The following SEMA5B variants were observed in gnomAD, a reference collection of about 807,000 sequenced individuals.
The protein encoded by SEMA5B is semaphorin-5B.
A neutral mutation model predicts 135.0 loss-of-function variants in SEMA5B; 66 were observed. The observed-to-expected ratio is 0.49, with a 90% CI of 0.40 to 0.60. SEMA5B has a LOEUF of 0.60. SEMA5B is among the 20% of genes least tolerant of loss of function. The pLI, the probability that SEMA5B is intolerant of heterozygous loss-of-function variation, is 0.00. For synonymous variants in SEMA5B, 690 were observed against 639.5 expected (o/e 1.08, Z -1.19); for missense variants, 1,501 against 1,566.3 (o/e 0.96, Z 0.70).
At chr3:122,974,917 C>T (rs1450647132) in intron 1 of SEMA5B, among the ~76,000 whole-genome samples, 1 of 152,142 alleles carries the variant, frequency 6.6e-6, no homozygotes, top group Non-Finnish European at 1.5e-5. Context: ...CCCTGCAGGC[C>T]CAGCCCCCAC....
In SEMA5B at chr3:122,958,489, G is replaced by A. The variant is rs545340923; in HGVS notation, c.124+2651C>T. 2.0e-3 allele frequency among the ~76,000 whole-genome samples: 305 copies of A among 152,334 alleles called. 2 individuals carry two copies. In the South Asian group the frequency reaches 0.032, roughly 16 times the overall value. ...GGCCACCGAGTATGGTGGCCCACAA[G>A]TGGGCTTCTCCGTGGGGGTGGTGAA... On this transcript the variant is annotated intron_variant, in intron 2 of 22. Transcript: ENST00000357599.
intron 2 of SEMA5B, 116 bp downstream of exon 2, chr3:122,961,024 T>C (rs1302274818): frequency 2.8e-6 from 3 of 1,069,238 alleles, no homozygotes; most frequent in Non-Finnish European, 4.0e-6. Flanking sequence ...TCAAATACAG[T>C]GGACTGAGGT....
chr3:122,976,086 A>G, intron 1 of SEMA5B: 1 of 1,535,146 alleles, frequency 6.5e-7, no homozygotes, highest in South Asian at 1.2e-5. Flanking sequence ...TCTGACCCTC[A>G]CGCAGCCAAT....
intron 1 of SEMA5B, among the ~76,000 whole-genome samples, chr3:123,012,503 T>C (rs2107798653): frequency 6.6e-6 from 1 of 152,312 alleles, no homozygotes; most frequent in South Asian, 2.1e-4. Flanking sequence ...CAGGTCTGTA[T>C]GGAGCCATCC....
chr3:122,928,466 G>A, intron 7 of SEMA5B, 51 bp downstream of exon 7: 7 of 1,432,454 alleles, frequency 4.9e-6, no homozygotes, highest in Non-Finnish European at 6.6e-6. Context: ...CTAGGCAGGA[G>A]AACCCCCGGC....
chr3:122,972,013 G>A (rs1158140172), intron 1 of SEMA5B, among the ~76,000 whole-genome samples: 2 of 152,210 alleles, frequency 1.3e-5, no homozygotes, highest in East Asian at 3.8e-4. Flanking sequence ...CTCAACAAAC[G>A]CTTGTTGTCC....
chr3:122,979,943 T>A (rs1037743787), intron 1 of SEMA5B, among the ~76,000 whole-genome samples: 16 of 152,242 alleles, frequency 1.1e-4, no homozygotes, highest in African/African-American at 3.9e-4. Flanking sequence ...ATATCCAGGG[T>A]AAAGTGATGC....
Position 122,964,703 on chromosome 3 carries a change from C to T in SEMA5B, c.-38-3402G>A, listed in dbSNP as rs149493408. Among the ~76,000 whole-genome samples, 159 of 152,254 alleles carry T rather than the reference C, an allele frequency of 1.0e-3. 2 individuals are homozygous for T. The Middle Eastern group carries it at 0.034, about 33-fold the overall frequency. ...CCCTAGCCAGCTTTCTCCCTTTACCCTTTGCTGGTCTCAAGGCCCCATTGA... is the reference window on the plus strand; with the variant it reads ...CCCTAGCCAGCTTTCTCCCTTTACCTTTTGCTGGTCTCAAGGCCCCATTGA... On this transcript the variant is annotated intron_variant, in intron 1 of 22. Transcript: ENST00000357599.
At chr3:122,978,021 T>G (rs1941388250) in intron 1 of SEMA5B, among the ~76,000 whole-genome samples, 1 of 152,252 alleles carries the variant, frequency 6.6e-6, no homozygotes. Context: ...CTAGGGGCTC[T>G]GTGAATGGCC....
At chr3:122,948,172 T>C (rs1244213130) in intron 3 of SEMA5B, among the ~76,000 whole-genome samples, 1 of 152,154 alleles carries the variant, frequency 6.6e-6, no homozygotes, top group African/African-American at 2.4e-5. Flanking sequence ...CACCTCCTAA[T>C]GCATGAGTCA....
chr3:122,986,308 T>C (rs1941693361), intron 1 of SEMA5B, among the ~76,000 whole-genome samples: 1 of 152,232 alleles, frequency 6.6e-6, no homozygotes, highest in Non-Finnish European at 1.5e-5. Context: ...AACTGCAACA[T>C]ACAATTTGAT....
At chr3:123,006,376 A>G (rs1942310950) in intron 1 of SEMA5B, among the ~76,000 whole-genome samples, 1 of 152,158 alleles carries the variant, frequency 6.6e-6, no homozygotes, top group South Asian at 2.1e-4. Context: ...ATGCTCCCCA[A>G]ATAGTGGCCC....
intron 1 of SEMA5B, chr3:122,976,249 A>G (rs1194541606): frequency 1.7e-5 from 21 of 1,263,844 alleles, no homozygotes; most frequent in South Asian, 1.7e-4. Flanking sequence ...TTAAAATGCA[A>G]ATTCTCAGGC....
At chr3:122,978,557 G>A (rs757039805) in intron 1 of SEMA5B, among the ~76,000 whole-genome samples, 3 of 152,058 alleles carry the variant, frequency 2.0e-5, no homozygotes, top group Non-Finnish European at 4.4e-5. Context: ...ATAGGTAACT[G>A]CCAGAGAATG....
chr3:123,022,183 C>T (rs1942698271), intron 1 of SEMA5B, among the ~76,000 whole-genome samples: 1 of 152,304 alleles, frequency 6.6e-6, no homozygotes, highest in South Asian at 2.1e-4. Flanking sequence ...AGAAAAGCCT[C>T]CCTCATTTCT....
At chr3:122,981,147 C>A (rs1023255157) in intron 1 of SEMA5B, among the ~76,000 whole-genome samples, 5 of 152,240 alleles carry the variant, frequency 3.3e-5, no homozygotes, top group African/African-American at 1.2e-4. Context: ...GCTTGTGCAC[C>A]CCCTCTGAGT....
Position 122,936,680 on chromosome 3 carries a change from C to T in SEMA5B, c.474+2745G>A, listed in dbSNP as rs538405427. On this transcript the variant is annotated intron_variant, in intron 5 of 22. Transcript: ENST00000357599. ...CATCATGCTGGTCCTCTCAGCAGCC[C>T]GGGGATGCTGTCAATCACTAGCCTC... is the stretch of plus-strand genomic sequence containing the variant. Among the ~76,000 whole-genome samples, 7 of 152,318 alleles carry T rather than the reference C, an allele frequency of 4.6e-5. No homozygotes were observed. The South Asian group carries it at 1.0e-3, about 23-fold the overall frequency.
chr3:122,981,176 G>A (rs1274802716), intron 1 of SEMA5B, among the ~76,000 whole-genome samples: 1 of 152,324 alleles, frequency 6.6e-6, no homozygotes, highest in East Asian at 1.9e-4. Context: ...CGAATCCCAG[G>A]GGACTGCCCT....
chr3:123,019,486 G>T (rs1942630498), intron 1 of SEMA5B, among the ~76,000 whole-genome samples: 1 of 152,212 alleles, frequency 6.6e-6, no homozygotes, highest in South Asian at 2.1e-4. Flanking sequence ...CTACTTGGGA[G>T]GTTGAGATGG....
Sources: gnomAD v4.1 joint callset for allele counts (sites outside exome capture counted in the v4.1 genomes callset) on GRCh38, gnomAD v4.1.1 for gene constraint, MANE v1.5 for transcripts, NCBI Gene and HGNC (gene_info 2026-07-23, HGNC 2026-07-21) for gene names.